The following RBM19 variants were observed in gnomAD, a reference collection of about 807,000 sequenced individuals.
RBM19 encodes the protein probable RNA-binding protein 19.
In RBM19, 94 loss-of-function variants were observed where a neutral mutation model predicts 116.8. That is an observed-to-expected ratio of 0.80 (90% confidence interval 0.68 to 0.95). RBM19 has a LOEUF of 0.95. Among genes scored for constraint, RBM19 ranks in the 40% least tolerant of loss-of-function variants. The probability of loss-of-function intolerance (pLI) is 0.00; values close to 1 mark genes in which losing one functional copy is unlikely to be tolerated. For synonymous variants in RBM19, 475 were observed against 494.1 expected, an observed-to-expected ratio of 0.96 and a Z score of 0.51; for missense variants, 1,161 against 1,220.7, an observed-to-expected ratio of 0.95 and a Z score of 0.73.
At chr12:113,964,483 C>A (rs1872719596) in intron 1 of RBM19, among the ~76,000 whole-genome samples, 1 of 152,112 alleles carries the variant, frequency 6.6e-6, no homozygotes, top group South Asian at 2.1e-4. Flanking sequence ...CTGTGAAGTG[C>A]AACAAAGCTG....
chr12:113,925,398 G>C (rs1182726797), intron 17 of RBM19, among the ~76,000 whole-genome samples: 1 of 152,108 alleles, frequency 6.6e-6, no homozygotes, highest in African/African-American at 2.4e-5. Context: ...TGCTTTATTT[G>C]GAGTATCTCC....
rs917400318 is a variant in RBM19, at chr12:113,949,011, C to T, written c.1098G>A (p.Arg366=). Residue 366 remains arginine, a synonymous_variant, in exon 10 of 24, where the codon AGG becomes AGA. Transcript: ENST00000261741. The part of the protein sequence containing the change: ...YMGGRYIEVF[R]EKNVPTTKGA... ...CCTTGGTGGTGGGGACGTTCTTTTC[C>T]CTGAACACCTCGATGTAGCGCCCAC... is the stretch of plus-strand genomic sequence containing the variant. 1 of 1,614,048 alleles carries T rather than the reference C, an allele frequency of 6.2e-7. No individual in the cohort carries two copies.
chr12:113,840,855 C>T (rs1037331761), intron 23 of RBM19, among the ~76,000 whole-genome samples: 9 of 152,208 alleles, frequency 5.9e-5, no homozygotes, highest in South Asian at 2.1e-4. Flanking sequence ...GACACTACTC[C>T]GCTCTGGGAG....
At chr12:113,904,173 G>A (rs557785231) in intron 21 of RBM19, among the ~76,000 whole-genome samples, 1 of 152,198 alleles carries the variant, frequency 6.6e-6, no homozygotes, top group South Asian at 2.1e-4. Flanking sequence ...AGGGTAGGAG[G>A]TAGAGCACTG....
chr12:113,870,971 C>T (rs964133162), intron 21 of RBM19, among the ~76,000 whole-genome samples: 50 of 152,202 alleles, frequency 3.3e-4, no homozygotes, highest in African/African-American at 1.1e-3. Flanking sequence ...CCAATGGCAG[C>T]AGGAGGCCCC....
intron 21 of RBM19, among the ~76,000 whole-genome samples, chr12:113,911,968 CCT>C (rs971191222): frequency 6.6e-6 from 1 of 152,168 alleles, no homozygotes; most frequent in African/African-American, 2.4e-5. Context: ...CACTGCTGTG[CCT>C]CTCTCTGAGT....
chr12:113,844,835 G>A (rs78757494), intron 22 of RBM19, 47 bp from the exon 23 acceptor site: 49,585 of 1,547,986 alleles, frequency 0.032, 898 homozygotes, highest in Non-Finnish European at 0.037. Flanking sequence ...GGATCAGTGC[G>A]GCAGACACTC....
chr12:113,905,264 G>A (rs1593560825), intron 21 of RBM19, among the ~76,000 whole-genome samples: 1 of 152,294 alleles, frequency 6.6e-6, no homozygotes, highest in South Asian at 2.1e-4. Flanking sequence ...CAGACAAATA[G>A]ACCCGGGGAG....
At chr12:113,904,598 A>G (rs1048702283) in intron 21 of RBM19, among the ~76,000 whole-genome samples, 5 of 152,204 alleles carry the variant, frequency 3.3e-5, no homozygotes, top group South Asian at 2.1e-4. Flanking sequence ...CAGAGAATGC[A>G]GCAGCGAGGA....
chr12:113,829,042 C>A (rs1466176363), intron 23 of RBM19, among the ~76,000 whole-genome samples: 2 of 151,992 alleles, frequency 1.3e-5, no homozygotes, highest in Non-Finnish European at 2.9e-5. Context: ...CACTGTCACC[C>A]AGGTGAGTGC....
chr12:113,900,376 A>C (rs1437619204), intron 21 of RBM19, among the ~76,000 whole-genome samples: 4 of 152,170 alleles, frequency 2.6e-5, no homozygotes, highest in Admixed American at 6.5e-5. Flanking sequence ...CGCTGGCCCC[A>C]CATCTGTGGC....
rs772486360 is a variant in RBM19 at position 113,920,605 on chromosome 12, C to G, written c.2385+6G>C. The G allele has an allele frequency of 2.5e-6, 4 of 1,613,386 alleles. No individual in the cohort carries two copies. The South Asian group carries it at 4.4e-5, about 18-fold the overall frequency. ...CGTGGCCCTCAGCTGAGAATCTTCA[C>G]TTTACCTGGAGCTGCTTGAGAGCTT... On this transcript the variant is annotated splice_donor_region_variant and intron_variant, in intron 19 of 23. Transcript: ENST00000261741.
At chr12:113,958,439 C>T (rs528566276) in intron 5 of RBM19, among the ~76,000 whole-genome samples, 2 of 152,220 alleles carry the variant, frequency 1.3e-5, no homozygotes, top group East Asian at 3.9e-4. Context: ...GCGTGGGCTT[C>T]TTCCACTGTC....
chr12:113,936,681 C>T (rs985658554), intron 16 of RBM19, among the ~76,000 whole-genome samples: 17 of 152,220 alleles, frequency 1.1e-4, no homozygotes, highest in African/African-American at 3.9e-4. Flanking sequence ...CCATACCAGC[C>T]ACCCTCCTCC....
intron 23 of RBM19, among the ~76,000 whole-genome samples, chr12:113,832,561 T>C (rs940769388): frequency 6.6e-6 from 1 of 152,210 alleles, no homozygotes; most frequent in African/African-American, 2.4e-5. Context: ...AGTCTCGGCC[T>C]TTCCTGTCAG....
intron 21 of RBM19, among the ~76,000 whole-genome samples, chr12:113,893,772 A>G (rs1314667294): frequency 6.6e-6 from 1 of 152,222 alleles, no homozygotes; most frequent in Non-Finnish European, 1.5e-5. Context: ...AAAATGAGAA[A>G]AATACAGGTT....
chr12:113,858,305 C>T (rs1878073094), intron 22 of RBM19, among the ~76,000 whole-genome samples: 1 of 152,226 alleles, frequency 6.6e-6, no homozygotes, highest in Non-Finnish European at 1.5e-5. Flanking sequence ...AGGGGCTGCC[C>T]TCACAGATAA....
intron 21 of RBM19, among the ~76,000 whole-genome samples, chr12:113,860,516 G>C (rs1878276164): frequency 6.6e-6 from 1 of 152,246 alleles, no homozygotes; most frequent in Non-Finnish European, 1.5e-5. Context: ...ACATCCGGCA[G>C]CTAAGGGGCT....
Position 113,959,918 on chromosome 12 carries a change from C to G in RBM19, c.340-15G>C. ...TTCTTCTCATCCTGAAAACAGAAGG[C>G]ACAGAGAGTGAGGGTCACACAGATG... is the stretch of plus-strand genomic sequence containing the variant. On this transcript the variant is annotated splice_polypyrimidine_tract_variant and intron_variant, in intron 3 of 23. Coordinates refer to ENST00000261741, the MANE Select transcript of RBM19 (RefSeq NM_016196.4). 1 of 1,614,196 alleles carries G rather than the reference C, an allele frequency of 6.2e-7. No individual in the cohort carries two copies.
Sources: gnomAD v4.1 joint callset for allele counts (sites outside exome capture counted in the v4.1 genomes callset) on GRCh38, gnomAD v4.1.1 for gene constraint, MANE v1.5 for transcripts, NCBI Gene and HGNC (gene_info 2026-07-23, HGNC 2026-07-21) for gene names.